The following ISM2 variants were observed in gnomAD, a reference collection of about 807,000 sequenced individuals.
The protein encoded by ISM2 is isthmin 2.
A neutral mutation model predicts 58.0 loss-of-function variants in ISM2; 50 were observed. The ratio of observed to expected loss-of-function variants is 0.86; its 90% CI spans 0.69 to 1.09. The LOEUF (loss-of-function observed/expected upper bound fraction) is 1.09. ISM2 is among the 50% of genes least tolerant of loss of function. ISM2 has a pLI of 0.00. For synonymous variants in ISM2, 303 were observed against 312.4 expected, an observed-to-expected ratio of 0.97 and a Z score of 0.32; for missense variants, 723 against 745.0, an observed-to-expected ratio of 0.97 and a Z score of 0.34.
intron 3 of ISM2, chr14:77,483,814 T>C (rs2079148692): frequency 6.5e-6 from 1 of 152,764 alleles, no homozygotes; most frequent in Non-Finnish European, 1.5e-5. Context: ...ATTATTATCA[T>C]GAAGGACTCA....
At position 77,482,256 on chromosome 14, in the gene ISM2, T is replaced by C. The variant is rs1594948493; in HGVS notation, c.973+66A>G. 12 of 1,270,396 alleles carry C rather than the reference T, an allele frequency of 9.4e-6. No homozygotes were observed. The East Asian group carries it at 2.8e-4, about 29-fold the overall frequency. The allele number at this position is 1,270,396 out of a possible 1,614,324, so 78.7% of individuals were successfully genotyped here. A position where few individuals can be genotyped will look rare whatever the true frequency, so the allele number is the denominator to read the frequency against. ...GCCTGGGAAGCCTCCACCCTCTCCCTCACCCCCATTTCCACTCAGTACCTA... is the reference window on the plus strand; with the variant it reads ...GCCTGGGAAGCCTCCACCCTCTCCCCCACCCCCATTTCCACTCAGTACCTA... On this transcript the variant is annotated intron_variant, in intron 4 of 6. Coordinates refer to ENST00000342219, the MANE Select transcript of ISM2 (RefSeq NM_199296.3).
intron 1 of ISM2, among the ~76,000 whole-genome samples, chr14:77,492,806 G>A (rs984144432): frequency 7.9e-5 from 12 of 152,118 alleles, no homozygotes; most frequent in African/African-American, 2.7e-4. Flanking sequence ...TCGGGAGTTC[G>A]AGACCAGCCT....
chr14:77,482,634 C>T lies in ISM2; in HGVS notation c.661G>A (p.Glu221Lys), dbSNP rs771749346. The T allele has an allele frequency of 9.5e-6, 15 of 1,572,930 alleles. No individual in the cohort carries two copies. In the Admixed American group the frequency reaches 1.6e-4, roughly 17 times the overall value. The change falls in exon 4 of 7, where the codon GAG (glutamate) becomes AAG (lysine). Residue 221 changes from glutamate to lysine, a missense_variant. Transcript: ENST00000342219. ...TCAGCCAACAGGTCTATCGACACCT[C>T]GGCCTGGGGGTCCTCCACCACCTTG... ...TIKVVEDPQA[E>K]VSIDLLAEPS...
rs764436686 is a variant in ISM2, at chr14:77,475,976, C to T, written c.1335G>A (p.Gln445=). 5.0e-6 allele frequency: 8 copies of T among 1,595,776 alleles called. No individual in the cohort carries two copies. The Admixed American group carries it at 1.3e-4, about 27-fold the overall frequency. ...GGAAGCTGCGGCCCTGGTGCTCGTCCTGTAGGCTCACAGGGCTGTCCATGG... is the reference window on the plus strand; with the variant it reads ...GGAAGCTGCGGCCCTGGTGCTCGTCTTGTAGGCTCACAGGGCTGTCCATGG... ...LEAMDSPVSL[Q]DEHQGRSFRW... Residue 445 remains glutamine (Q), a synonymous_variant, in exon 7 of 7, where the codon CAG becomes CAA. Coordinates refer to ENST00000342219, the MANE Select transcript of ISM2 (RefSeq NM_199296.3). The surrounding 1 kb of genome is among the most constrained non-coding windows in gnomAD (Gnocchi z 4.1).
intron 4 of ISM2, among the ~76,000 whole-genome samples, chr14:77,479,488 A>G (rs1013006951): frequency 6.6e-6 from 1 of 151,920 alleles, no homozygotes; most frequent in Non-Finnish European, 1.5e-5. Flanking sequence ...GGTTCAAGCA[A>G]TACTCCTGCC....
chr14:77,497,786 G>A (rs985032026), intron 1 of ISM2, among the ~76,000 whole-genome samples: 22 of 121,692 alleles, frequency 1.8e-4, no homozygotes, highest in African/African-American at 7.7e-4. Context: ...AAGGAAGGAA[G>A]GAAGGAAGGA....
At chr14:77,497,292 C>T (rs1200362869) in intron 1 of ISM2, among the ~76,000 whole-genome samples, 10 of 140,980 alleles carry the variant, frequency 7.1e-5, no homozygotes, top group East Asian at 2.4e-4. Context: ...AGCTTGAACT[C>T]GGGTGGCAGA....
In ISM2 at chr14:77,480,799, C is replaced by G. The variant is rs932924760; in HGVS notation, c.973+1523G>C. Among the ~76,000 whole-genome samples the G allele has an allele frequency of 2.0e-5, 3 of 151,856 alleles. No homozygotes were observed. The South Asian group carries it at 6.2e-4, about 32-fold the overall frequency. On this transcript the variant is annotated intron_variant, in intron 4 of 6. Transcript: ENST00000342219. ...TCACAAACTCCTGAGCTCAAGCAGTCCACCTGCCTTGGCCTCCCAAAGTGC... is the reference window on the plus strand; with the variant it reads ...TCACAAACTCCTGAGCTCAAGCAGTGCACCTGCCTTGGCCTCCCAAAGTGC...
At chr14:77,498,077 C>G in intron 1 of ISM2, 1 of 339,544 alleles carries the variant, frequency 2.9e-6, no homozygotes, top group South Asian at 2.3e-5. Context: ...CTCTCCATGG[C>G]CAACACCACT....
At chr14:77,492,762 CT>C (rs1784945771) in intron 1 of ISM2, among the ~76,000 whole-genome samples, 1 of 152,088 alleles carries the variant, frequency 6.6e-6, no homozygotes, top group Non-Finnish European at 1.5e-5. Flanking sequence ...AATCCCAGAA[CT>C]TTGGGAGGCT....
rs1484761460 is a variant in ISM2 at position 77,484,926 on chromosome 14, G to T, written c.142-7C>A. On this transcript the variant is annotated splice_region_variant and splice_polypyrimidine_tract_variant and intron_variant, in intron 1 of 6. Transcript: ENST00000342219. ...GATCTGGGGAGGCTGAGACCTGAGG[G>T]AGAGAGAAGGAAGGTAAGGTAACAG... The T allele has an allele frequency of 6.5e-7, 1 of 1,535,028 alleles. No individual in the cohort carries two copies. The highest frequency in any genetic ancestry group is 8.7e-7 in the Non-Finnish European group (1 of 1,143,426).
intron 4 of ISM2, 94 bp from the exon 5 acceptor site, chr14:77,478,809 C>T: frequency 7.7e-7 from 1 of 1,294,736 alleles, no homozygotes; most frequent in Non-Finnish European, 1.1e-6. Context: ...CAGGTGGATG[C>T]AGCCCATGCC....
intron 1 of ISM2, among the ~76,000 whole-genome samples, chr14:77,495,442 A>G (rs1468335074): frequency 6.6e-6 from 1 of 152,244 alleles, no homozygotes; most frequent in Non-Finnish European, 1.5e-5. Context: ...AATAATTACA[A>G]TACAAAGCAG....
chr14:77,490,216 C>G (rs950863460), intron 1 of ISM2, among the ~76,000 whole-genome samples: 2 of 151,872 alleles, frequency 1.3e-5, no homozygotes, highest in Non-Finnish European at 2.9e-5. Flanking sequence ...CCAGGATGGT[C>G]TCAATCTCTT....
In ISM2 at chr14:77,475,947, C is replaced by T; in HGVS notation, c.1364G>A (p.Trp455Ter). ...CTCGCGAGGGCCACTGGCATCCCTC[C>T]ACCGGAAGCTGCGGCCCTGGTGCTC... ...QDEHQGRSFR[W>*]RDASGPRERL... Residue 455 changes from tryptophan (W) to a stop codon, truncating the protein, a stop_gained, in exon 7 of 7, where the codon TGG becomes TAG. Coordinates refer to ENST00000342219, the MANE Select transcript of ISM2 (RefSeq NM_199296.3). LOFTEE classifies it high-confidence loss of function. The surrounding 1 kb of genome is among the most constrained non-coding windows in gnomAD (Gnocchi z 4.1). 1 of 1,599,024 alleles carries T rather than the reference C, an allele frequency of 6.3e-7. No individual in the cohort carries two copies. Among genetic ancestry groups the T allele is most frequent in the African/African-American group, 1.3e-5 (1 of 75,062 alleles).
chr14:77,490,029 A>C (rs1308311877), intron 1 of ISM2, among the ~76,000 whole-genome samples: 1 of 152,148 alleles, frequency 6.6e-6, no homozygotes, highest in African/African-American at 2.4e-5. Context: ...ATGCCCAGCT[A>C]ATTTTTTGTA....
At position 77,492,766 on chromosome 14, in the gene ISM2, G is replaced by C. The variant is rs138271237; in HGVS notation, c.141+5887C>G. On this transcript the variant is annotated intron_variant, in intron 1 of 6. Transcript: ENST00000342219. Reference sequence around the variant, plus strand: ...CTCGCGCCTGTAATCCCAGAACTTTGGGAGGCTGAAGCAGACAGATCTTCT... The same window carrying C: ...CTCGCGCCTGTAATCCCAGAACTTTCGGAGGCTGAAGCAGACAGATCTTCT... Among the ~76,000 whole-genome samples the C allele has an allele frequency of 5.0e-3, 763 of 152,126 alleles. 5 individuals carry two copies. Among genetic ancestry groups the C allele is most frequent in the African/African-American group, 0.017 (688 of 41,476 alleles).
intron 1 of ISM2, among the ~76,000 whole-genome samples, chr14:77,496,574 GAGTTCGAGACCAGCC>G (rs1171809137): frequency 4.0e-5 from 6 of 151,226 alleles, no homozygotes; most frequent in Non-Finnish European, 5.9e-5. Flanking sequence ...ATAAGGTCAG[GAGTTCGAGACCAGCC>G]AGTTCGAGAC....
chr14:77,484,460 C>G lies in ISM2; in HGVS notation c.490G>C (p.Val164Leu). ...AELHQHGCWT[V>L]TEPAALTPGN... ...GGGGTCAGGGCTGCTGGCTCAGTGA[C>G]AGTCCAACATCCATGTTGGTGTAGC... The change falls in exon 3 of 7, where the codon GTC becomes CTC. Residue 164 changes from valine (V) to leucine (L), a missense_variant. Val to Leu is a conservative substitution (Grantham distance 32). Transcript: ENST00000342219. 6.2e-7 allele frequency: 1 copy of G among 1,611,226 alleles called. No individual in the cohort carries two copies.
Sources: allele counts gnomAD v4.1 joint callset (sites outside exome capture counted in the v4.1 genomes callset), GRCh38; gene constraint gnomAD v4.1.1; non-coding constraint Gnocchi (gnomAD v3.1); transcripts MANE v1.5; gene names NCBI Gene and HGNC (gene_info 2026-07-23, HGNC 2026-07-21).